Variants in NTM observed in about 807,000 individuals in gnomAD.
NTM encodes the protein IgLON family member 2.
NTM carries 13 observed loss-of-function variants against 42.1 expected under a neutral mutation model. That is an observed-to-expected ratio of 0.31 (90% CI 0.20 to 0.49). The LOEUF is 0.49. Ranked by LOEUF, NTM falls within the 20% of genes least tolerant of loss-of-function variation. The pLI is 0.99. For synonymous variants in NTM, 187 were observed against 179.2 expected (o/e 1.04, Z -0.35); for missense variants, 373 against 452.8 (o/e 0.82, Z 1.60).
At chr11:132,117,053 A>C (rs535675681) in intron 2 of NTM, among the ~76,000 whole-genome samples, 2 of 152,316 alleles carry the variant, frequency 1.3e-5, no homozygotes, top group African/African-American at 4.8e-5. Context: ...CAGCCCCCAA[A>C]GTCATAGAAG....
chr11:131,939,408 A>G (rs2059564357), intron 2 of NTM, among the ~76,000 whole-genome samples: 1 of 152,160 alleles, frequency 6.6e-6, no homozygotes, highest in Non-Finnish European at 1.5e-5. Context: ...TTTCAGGAGA[A>G]TAGTAGAGAA....
intron 3 of NTM, among the ~76,000 whole-genome samples, chr11:132,203,924 CA>C (rs34137990): frequency 0.9 from 136,694 of 151,366 alleles, 61,902 homozygotes; most frequent in African/African-American, 0.97. Context: ...GCAACAACAA[CA>C]AAAAAAAAAC....
intron 2 of NTM, among the ~76,000 whole-genome samples, chr11:132,046,374 G>T (rs1443824502): frequency 7.0e-6 from 1 of 142,930 alleles, no homozygotes; most frequent in Non-Finnish European, 1.5e-5. Context: ...AAATAAATAA[G>T]AAAAAGGAAA....
intron 2 of NTM, among the ~76,000 whole-genome samples, chr11:132,122,884 C>G (rs1394860032): frequency 6.6e-6 from 1 of 152,176 alleles, no homozygotes; most frequent in Non-Finnish European, 1.5e-5. Context: ...GTCTCACACA[C>G]ACTCACACAC....
chr11:131,812,421 G>A (rs2092775896), intron 1 of NTM, among the ~76,000 whole-genome samples: 1 of 152,164 alleles, frequency 6.6e-6, no homozygotes, highest in Admixed American at 6.5e-5. Flanking sequence ...TAACTGAAGA[G>A]CACTTCATAT....
In NTM at chr11:132,123,844, A is replaced by G. The variant is rs572769311; in HGVS notation, c.168-22438A>G. ...TCCTACGTGTGCACAGCCTTCCCCC[A>G]GATTCCATTCCTTAGGACTCTGCAC... On this transcript the variant is annotated intron_variant, in intron 2 of 8. Coordinates refer to ENST00000683400, the MANE Select transcript of NTM (RefSeq NM_001352005.2). Among the ~76,000 whole-genome samples the G allele has an allele frequency of 1.1e-4, 17 of 152,202 alleles. No homozygotes were observed. In the East Asian group the frequency reaches 3.3e-3, roughly 29 times the overall value.
chr11:131,546,364 G>A (rs925831964), intron 1 of NTM, among the ~76,000 whole-genome samples: 3 of 152,106 alleles, frequency 2.0e-5, no homozygotes, highest in South Asian at 2.1e-4. Context: ...CCACGGCCCC[G>A]TTAGCCATTC....
At chr11:132,116,657 G>T (rs2063944597) in intron 2 of NTM, among the ~76,000 whole-genome samples, 1 of 152,158 alleles carries the variant, frequency 6.6e-6, no homozygotes, top group Admixed American at 6.6e-5. Context: ...AGCACCAGGA[G>T]ATATGGAAGG....
chr11:132,104,957 A>G (rs868290204), intron 2 of NTM, among the ~76,000 whole-genome samples: 2,395 of 98,942 alleles, frequency 0.024, 263 homozygotes, highest in East Asian at 0.065. Context: ...ATATATATAT[A>G]TATATATATA....
intron 1 of NTM, among the ~76,000 whole-genome samples, chr11:131,670,793 G>C (rs1042783418): frequency 6.6e-6 from 1 of 152,214 alleles, no homozygotes; most frequent in African/African-American, 2.4e-5. Context: ...GGAGGCCTCA[G>C]ATCTAGGCTA....
At chr11:131,971,394 G>T (rs1424928151) in intron 2 of NTM, among the ~76,000 whole-genome samples, 4 of 151,936 alleles carry the variant, frequency 2.6e-5, no homozygotes, top group East Asian at 3.9e-4. Flanking sequence ...CCTATTTTTT[G>T]ATTGAACCAC....
At chr11:131,668,140 G>A (rs2069416435) in intron 1 of NTM, among the ~76,000 whole-genome samples, 1 of 152,164 alleles carries the variant, frequency 6.6e-6, no homozygotes, top group African/African-American at 2.4e-5. Flanking sequence ...TCATGCCAAT[G>A]GAACACGAGC....
intron 4 of NTM, among the ~76,000 whole-genome samples, chr11:132,239,600 T>G (rs964345042): frequency 3.9e-5 from 6 of 152,222 alleles, no homozygotes; most frequent in African/African-American, 1.4e-4. Flanking sequence ...ATCTCAAGAA[T>G]AGCAGAACTT....
intron 3 of NTM, among the ~76,000 whole-genome samples, chr11:132,195,771 G>A (rs1469228229): frequency 3.3e-5 from 5 of 152,150 alleles, no homozygotes; most frequent in Non-Finnish European, 7.4e-5. Context: ...GATTGAAACT[G>A]GCCCCTTTCT....
chr11:131,878,868 T>A (rs2137232833), intron 1 of NTM, among the ~76,000 whole-genome samples: 1 of 151,948 alleles, frequency 6.6e-6, no homozygotes, highest in South Asian at 2.1e-4. Context: ...GGGGAAGATC[T>A]TTGCCTAAGA....
chr11:131,858,485 T>C (rs1464949882), intron 1 of NTM, among the ~76,000 whole-genome samples: 1 of 152,242 alleles, frequency 6.6e-6, no homozygotes, highest in Non-Finnish European at 1.5e-5. Context: ...AGGAGCTCAG[T>C]ATTTTTTGAG....
intron 2 of NTM, among the ~76,000 whole-genome samples, chr11:131,926,704 A>G (rs1450203947): frequency 6.6e-6 from 1 of 152,132 alleles, no homozygotes; most frequent in African/African-American, 2.4e-5. Context: ...TAGCCCCAAC[A>G]CCTGTGTGGA....
rs548994578 is a variant in NTM at position 131,442,799 on chromosome 11, T to A, written c.82+71911T>A. Among the ~76,000 whole-genome samples the A allele has an allele frequency of 9.1e-4, 139 of 152,078 alleles. 1 individual carries two copies. Among genetic ancestry groups the A allele is most frequent in the Middle Eastern group, 3.5e-3 (1 of 288 alleles). Reference sequence around the variant, plus strand: ...ATTCCGTTATATATATACGTGTATATATTATATATATGTGTGTGTATATAT... The same window carrying A: ...ATTCCGTTATATATATACGTGTATAAATTATATATATGTGTGTGTATATAT... On this transcript the variant is annotated intron_variant, in intron 1 of 8. Transcript: ENST00000683400.
intron 1 of NTM, among the ~76,000 whole-genome samples, chr11:131,812,739 G>A (rs1647624560): frequency 1.3e-5 from 2 of 152,112 alleles, no homozygotes; most frequent in Non-Finnish European, 2.9e-5. Context: ...AGACTGAAGG[G>A]GACTTGAAGG....
Sources: gnomAD v4.1 joint callset for allele counts (sites outside exome capture counted in the v4.1 genomes callset) on GRCh38, gnomAD v4.1.1 for gene constraint, MANE v1.5 for transcripts, NCBI Gene and HGNC (gene_info 2026-07-23, HGNC 2026-07-21) for gene names.